UGT1A4: variants seen among roughly 807,000 people sequenced by gnomAD.
UGT1A4 encodes UDP glucuronosyltransferase family 1 member A4.
In UGT1A4, 32 loss-of-function variants were observed where a neutral mutation model predicts 41.1. That is an observed-to-expected ratio of 0.78 (90% confidence interval 0.59 to 1.05). The LOEUF is 1.05. Ranked by LOEUF, UGT1A4 falls within the 50% of genes least tolerant of loss-of-function variation. The pLI, the probability that UGT1A4 is intolerant of heterozygous loss-of-function variation, is 0.00. For missense variants in UGT1A4, 748 were observed against 677.4 expected, an observed-to-expected ratio of 1.10 and a Z score of -1.16; for synonymous variants, 283 against 265.1, an observed-to-expected ratio of 1.07 and a Z score of -0.66.
In UGT1A4 at chr2:233,772,599, C is replaced by G. The variant is rs1313882407; in HGVS notation, c.*40C>G. 1 of 1,591,492 alleles carries G rather than the reference C, an allele frequency of 6.3e-7. No homozygotes were observed. Among genetic ancestry groups the G allele is most frequent in the Admixed American group, 1.8e-5 (1 of 56,352 alleles). On this transcript the variant is annotated 3_prime_UTR_variant, in exon 5 of 5. Transcript: ENST00000373409. Reference sequence around the variant, plus strand: ...ATAAGGTAAAATTTTGAACCATTCCCTAGTCATTTCCAAACTTGAAAACAG... The same window carrying G: ...ATAAGGTAAAATTTTGAACCATTCCGTAGTCATTTCCAAACTTGAAAACAG...
At chr2:233,772,210 A>T in intron 4 of UGT1A4, 52 bp from the exon 5 acceptor site, 1 of 1,610,530 alleles carries the variant, frequency 6.2e-7, no homozygotes, top group Non-Finnish European at 8.5e-7. Flanking sequence ...TAAAGAGAGG[A>T]TTGTTCATAC....
intron 1 of UGT1A4, among the ~76,000 whole-genome samples, chr2:233,727,837 G>A (rs564392450): frequency 6.6e-6 from 1 of 152,316 alleles, no homozygotes; most frequent in Non-Finnish European, 1.5e-5. Context: ...TGTTATCAAT[G>A]TGGAGTAATT....
intron 1 of UGT1A4, chr2:233,760,638 A>C (rs752920136): frequency 6.2e-7 from 1 of 1,614,204 alleles, no homozygotes; most frequent in South Asian, 1.1e-5. Flanking sequence ...AGAAAATAAA[A>C]AAGGACTCTG....
Position 233,742,052 on chromosome 2 carries a change from GT to G in UGT1A4, c.867+22367del, listed in dbSNP as rs1691857314. On this transcript the variant is annotated intron_variant, in intron 1 of 4. Coordinates refer to ENST00000373409, the MANE Select transcript of UGT1A4 (RefSeq NM_007120.3). ...ATGTCCCAAGCATAGCAATAGGATA[GT>G]TCTGTGTGGCCTTATGGAGATCCTT... 2.0e-5 allele frequency: 3 copies of G among 151,942 alleles called. 1 individual carries two copies. Among genetic ancestry groups the G allele is most frequent in the African/African-American group, 7.3e-5 (3 of 41,170 alleles). The allele number at this position is 151,942 out of a possible 1,614,324, so 9.4% of individuals were successfully genotyped here.
At chr2:233,755,012 G>C in intron 1 of UGT1A4, 1 of 1,294,464 alleles carries the variant, frequency 7.7e-7, no homozygotes, top group Non-Finnish European at 1.0e-6. Flanking sequence ...CCTACTCGAA[G>C]GGGTCCTTGA....
chr2:233,743,665 C>T lies in UGT1A4; in HGVS notation c.868-23369C>T, dbSNP rs1373066127. Reference sequence around the variant, plus strand: ...AGCTGAAGACGTACTCGAAGGGGTCCTCGAAGGGCCTGCCGCCTGTGCAGC... The same window carrying T: ...AGCTGAAGACGTACTCGAAGGGGTCTTCGAAGGGCCTGCCGCCTGTGCAGC... On this transcript the variant is annotated intron_variant, in intron 1 of 4. Coordinates refer to ENST00000373409, the MANE Select transcript of UGT1A4 (RefSeq NM_007120.3). 9 of 1,367,242 alleles carry T rather than the reference C, an allele frequency of 6.6e-6. 2 individuals are homozygous for T. The African/African-American group carries it at 1.3e-4, about 20-fold the overall frequency. The allele number at this position is 1,367,242 out of a possible 1,614,324, so 84.7% of individuals were successfully genotyped here. A position where few individuals can be genotyped will look rare whatever the true frequency, so the allele number is the denominator to read the frequency against.
At position 233,719,600 on chromosome 2, in the gene UGT1A4, C is replaced by T. The variant is rs1250192329; in HGVS notation, c.780C>T (p.Asp260=). The T allele has an allele frequency of 1.2e-6, 2 of 1,614,004 alleles. No individual in the cohort carries two copies. The highest frequency in any genetic ancestry group is 2.2e-5 in the South Asian group (2 of 91,070). ...CATCCGTGTGGCTGTTCCGAGGGGA[C>T]TTTGTGATGGACTACCCCAGGCCGA... is the stretch of plus-strand genomic sequence containing the variant. ...SYASVWLFRG[D]FVMDYPRPIM... Residue 260 remains aspartate (D), a synonymous_variant, in exon 1 of 5, where the codon GAC becomes GAT. Transcript: ENST00000373409.
intron 1 of UGT1A4, among the ~76,000 whole-genome samples, chr2:233,725,264 G>GGAGGCA (rs551912265): frequency 0.04 from 2,355 of 58,498 alleles, 627 homozygotes; most frequent in African/African-American, 0.084. Flanking sequence ...CAGAGGCAGA[G>GGAGGCA]GAGGCAGAGG....
chr2:233,760,568 G>A (rs1252353903), intron 1 of UGT1A4: 1 of 1,614,246 alleles, frequency 6.2e-7, no homozygotes, highest in Non-Finnish European at 8.5e-7. Context: ...TCTTTTGTTA[G>A]TCTCGGGCAT....
chr2:233,719,027 C>A lies in UGT1A4; in HGVS notation c.207C>A (p.Ile69=). 1.2e-6 allele frequency: 2 copies of A among 1,614,228 alleles called. No individual in the cohort carries two copies. Among genetic ancestry groups the A allele is most frequent in the South Asian group, 1.1e-5 (1 of 91,080 alleles). The part of the protein sequence containing the change: ...VVLTPEVNMH[I]KEEKFFTLTA... ...TCACCCCAGAGGTGAATATGCACATCAAAGAAGAGAAATTTTTCACCCTGA... is the reference window on the plus strand; with the variant it reads ...TCACCCCAGAGGTGAATATGCACATAAAAGAAGAGAAATTTTTCACCCTGA... The change falls in exon 1 of 5, where the codon ATC becomes ATA. Residue 69 remains isoleucine (I), a synonymous_variant. Coordinates refer to ENST00000373409, the MANE Select transcript of UGT1A4 (RefSeq NM_007120.3).
At chr2:233,725,956 A>C (rs1405968247) in intron 1 of UGT1A4, among the ~76,000 whole-genome samples, 2 of 152,278 alleles carry the variant, frequency 1.3e-5, no homozygotes, top group East Asian at 3.9e-4. Flanking sequence ...GTTTGAGCCC[A>C]GGAGTCTGAG....
At chr2:233,741,525 C>T (rs916484362) in intron 1 of UGT1A4, 1 of 151,902 alleles carries the variant, frequency 6.6e-6, no homozygotes, top group South Asian at 2.1e-4. Context: ...CCTTAACAGT[C>T]TGTCTTATTC....
At chr2:233,728,213 C>A (rs2077690894) in intron 1 of UGT1A4, among the ~76,000 whole-genome samples, 1 of 152,180 alleles carries the variant, frequency 6.6e-6, no homozygotes, top group Non-Finnish European at 1.5e-5. Flanking sequence ...TGGAGAAGAG[C>A]CTGACCATAA....
intron 1 of UGT1A4, chr2:233,747,278 C>T (rs925407656): frequency 6.3e-6 from 10 of 1,599,168 alleles, no homozygotes; most frequent in Non-Finnish European, 8.5e-6. Flanking sequence ...CTTCTCAGTG[C>T]CCAGCCCTGG....
At chr2:233,734,752 T>C (rs1438884438) in intron 1 of UGT1A4, among the ~76,000 whole-genome samples, 1 of 152,248 alleles carries the variant, frequency 6.6e-6, no homozygotes, top group African/African-American at 2.4e-5. Context: ...TCTTTATTTC[T>C]GCCTTCACTT....
rs753668254 is a variant in UGT1A4 at position 233,760,974 on chromosome 2, G to A, written c.868-6060G>A. On this transcript the variant is annotated intron_variant, in intron 1 of 4. Coordinates refer to ENST00000373409, the MANE Select transcript of UGT1A4 (RefSeq NM_007120.3). ...TTCTGTGCGACGTGGTTTATTCCCC[G>A]TATGCAACCCTTGCCTCAGAATTCC... 78 of 1,614,002 alleles carry A rather than the reference G, an allele frequency of 4.8e-5. No individual in the cohort carries two copies. Among genetic ancestry groups the A allele is most frequent in the Admixed American group, 2.5e-4 (15 of 59,996 alleles).
chr2:233,765,616 G>A (rs1387784053), intron 1 of UGT1A4, among the ~76,000 whole-genome samples: 1 of 151,774 alleles, frequency 6.6e-6, no homozygotes, highest in Non-Finnish European at 1.5e-5. Flanking sequence ...CGGGGTGAGG[G>A]GTGAGGGGAG....
At chr2:233,747,688 C>T in intron 1 of UGT1A4, 2 of 1,609,342 alleles carry the variant, frequency 1.2e-6, no homozygotes, top group South Asian at 2.2e-5. Context: ...CTCTGTGGGG[C>T]AGTGCTGGCT....
At chr2:233,760,547 A>T (rs533766461) in intron 1 of UGT1A4, 1 of 1,614,192 alleles carries the variant, frequency 6.2e-7, no homozygotes, top group African/African-American at 1.3e-5. Context: ...CAAAGGGAGG[A>T]TGTGAAAGAG....
Sources: gnomAD v4.1 joint callset for allele counts (sites outside exome capture counted in the v4.1 genomes callset) on GRCh38, gnomAD v4.1.1 for gene constraint, MANE v1.5 for transcripts, NCBI Gene and HGNC (gene_info 2026-07-23, HGNC 2026-07-21) for gene names.